RAPSN: variants seen among roughly 807,000 people sequenced by gnomAD.
RAPSN encodes receptor associated protein of the synapse.
A neutral mutation model predicts 45.7 loss-of-function variants in RAPSN; 33 were observed. The observed-to-expected ratio is 0.72, with a 90% CI of 0.55 to 0.97. The LOEUF is 0.97. Ranked by LOEUF, RAPSN falls within the 50% of genes least tolerant of loss-of-function variation. RAPSN has a pLI of 0.00. For synonymous variants in RAPSN, 244 were observed against 233.6 expected (o/e 1.04, Z -0.40); for missense variants, 519 against 559.4 (o/e 0.93, Z 0.73).
chr11:47,445,909 C>T (rs2076401995), intron 2 of RAPSN, among the ~76,000 whole-genome samples: 1 of 151,738 alleles, frequency 6.6e-6, no homozygotes, highest in South Asian at 2.1e-4. Flanking sequence ...CAATGAACAC[C>T]CCACAAGCCC....
Position 47,441,905 on chromosome 11 carries a change from G to A in RAPSN, c.707C>T (p.Ala236Val), listed in dbSNP as rs1192536027. The A allele has an allele frequency of 1.1e-5, 17 of 1,577,936 alleles. No individual in the cohort carries two copies. The highest frequency in any genetic ancestry group is 2.3e-5 in the South Asian group (2 of 86,622). Residue 236 changes from alanine to valine, a missense_variant, in exon 4 of 8, where the codon GCG becomes GTG. Coordinates refer to ENST00000298854, the MANE Select transcript of RAPSN (RefSeq NM_005055.5). ...CAGTGGCCGGTCCCCGTGCTGCAGCGCGATCTTCATAGACTCCTGCGAGGG... is the reference window on the plus strand; with the variant it reads ...CAGTGGCCGGTCCCCGTGCTGCAGCACGATCTTCATAGACTCCTGCGAGGG... The part of the protein sequence containing the change: ...MECCEESMKI[A>V]LQHGDRPLQA...
At chr11:47,439,937 G>C (rs2076350365) in intron 6 of RAPSN, among the ~76,000 whole-genome samples, 1 of 152,002 alleles carries the variant, frequency 6.6e-6, no homozygotes, top group African/African-American at 2.4e-5. Flanking sequence ...GATCTCAGGT[G>C]ATCTGCCCAC....
chr11:47,442,552 G>C (rs1286944738), intron 3 of RAPSN, 104 bp downstream of exon 3: 2 of 1,354,274 alleles, frequency 1.5e-6, no homozygotes, highest in Non-Finnish European at 2.0e-6. Context: ...GCCCTAGGGG[G>C]CTTCCATGGG....
In RAPSN at chr11:47,438,767, C is replaced by T. The variant is rs2076335581; in HGVS notation, c.1131G>A (p.Leu377=). The T allele has an allele frequency of 6.4e-7, 1 of 1,564,640 alleles. No individual in the cohort carries two copies. The highest frequency in any genetic ancestry group is 8.7e-7 in the Non-Finnish European group (1 of 1,150,836). ...AGATGTGGGAGCAAGGTAGGGCCTG[C>T]AGCCGGCTGTTCTTCTCGCCTATGG... ...GESIGEKNSR[L]QALPCSHIFH... The change falls in exon 7 of 8, where the codon CTG becomes CTA. Residue 377 remains leucine, a synonymous_variant. Coordinates refer to ENST00000298854, the MANE Select transcript of RAPSN (RefSeq NM_005055.5).
intron 2 of RAPSN, 103 bp from the exon 3 acceptor site, chr11:47,442,917 G>C: frequency 6.4e-7 from 1 of 1,567,634 alleles, no homozygotes. Flanking sequence ...AGGGGCAGGG[G>C]GCCCGAGTGT....
intron 2 of RAPSN, among the ~76,000 whole-genome samples, chr11:47,446,932 C>G (rs913045696): frequency 6.6e-6 from 1 of 152,114 alleles, no homozygotes; most frequent in Non-Finnish European, 1.5e-5. Flanking sequence ...TACCCAGGAT[C>G]AGAACCTGCT....
At chr11:47,447,264 G>T (rs1452526066) in intron 2 of RAPSN, among the ~76,000 whole-genome samples, 1 of 152,082 alleles carries the variant, frequency 6.6e-6, no homozygotes, top group African/African-American at 2.4e-5. Flanking sequence ...CCTTTGCCCC[G>T]CTTCGCTTTC....
chr11:47,449,076 A>G lies in RAPSN; in HGVS notation c.-112T>C, dbSNP rs2076435071. 1 of 1,350,270 alleles carries G rather than the reference A, an allele frequency of 7.4e-7. No individual in the cohort carries two copies. The highest frequency in any genetic ancestry group is 1.2e-5 in the South Asian group (1 of 84,056). The allele number at this position is 1,350,270 out of a possible 1,614,324, so 83.6% of individuals were successfully genotyped here. A position where few individuals can be genotyped will look rare whatever the true frequency, so the allele number is the denominator to read the frequency against. ...CTGCCCCCCGAAACGTGGGAACAAA[A>G]GCAGCGTCGGGTGGGAGCCGGAATG... is the stretch of plus-strand genomic sequence containing the variant. On this transcript the variant is annotated 5_prime_UTR_variant, in exon 1 of 8. Coordinates refer to ENST00000298854, the MANE Select transcript of RAPSN (RefSeq NM_005055.5).
At chr11:47,448,209 A>C in intron 1 of RAPSN, 59 bp from the exon 2 acceptor site, 1 of 1,567,726 alleles carries the variant, frequency 6.4e-7, no homozygotes, top group Non-Finnish European at 8.7e-7. Context: ...CTTGGACCCC[A>C]GCCTGCACTG....
intron 2 of RAPSN, among the ~76,000 whole-genome samples, chr11:47,444,830 C>T (rs1484914358): frequency 2.1e-5 from 3 of 140,160 alleles, no homozygotes; most frequent in East Asian, 2.1e-4. Flanking sequence ...TGCACTCCAG[C>T]CTGGGCAACA....
intron 6 of RAPSN, among the ~76,000 whole-genome samples, chr11:47,439,582 C>T (rs1332726983): frequency 6.6e-6 from 1 of 151,970 alleles, no homozygotes; most frequent in Non-Finnish European, 1.5e-5. Context: ...ACCAGAGTGG[C>T]TATAATCCAA....
intron 1 of RAPSN, 146 bp from the exon 2 acceptor site, chr11:47,448,296 G>T: frequency 1.1e-6 from 1 of 880,176 alleles, no homozygotes; most frequent in Non-Finnish European, 1.8e-6. Context: ...CTTCTTTTCA[G>T]ACCCAGAGCT....
chr11:47,438,205 T>C (rs937291624), intron 7 of RAPSN, among the ~76,000 whole-genome samples, 158 bp from the exon 8 acceptor site: 1 of 151,948 alleles, frequency 6.6e-6, no homozygotes, highest in Admixed American at 6.6e-5. Context: ...AGGCTCCCAC[T>C]GCACCCGGCT....
At chr11:47,441,461 G>A in intron 5 of RAPSN, 150 bp downstream of exon 5, 1 of 1,434,014 alleles carries the variant, frequency 7.0e-7, no homozygotes, top group Non-Finnish European at 9.4e-7. Flanking sequence ...GGCCTTCTCT[G>A]AGCCTGGAAA....
At chr11:47,446,733 C>T (rs2076409158) in intron 2 of RAPSN, among the ~76,000 whole-genome samples, 1 of 152,136 alleles carries the variant, frequency 6.6e-6, no homozygotes, top group Non-Finnish European at 1.5e-5. Flanking sequence ...GGTGAAACCC[C>T]ATTTCTACTA....
At chr11:47,441,061 G>C in intron 6 of RAPSN, 98 bp downstream of exon 6, 1 of 1,475,862 alleles carries the variant, frequency 6.8e-7, no homozygotes, top group Non-Finnish European at 9.5e-7. Context: ...ATCAGGAAGG[G>C]CTCATGACGT....
At chr11:47,447,235 C>T (rs2076413633) in intron 2 of RAPSN, among the ~76,000 whole-genome samples, 1 of 152,148 alleles carries the variant, frequency 6.6e-6, no homozygotes, top group South Asian at 2.1e-4. Context: ...ATGACACCCC[C>T]ACGCCCAGTG....
intron 7 of RAPSN, chr11:47,438,497 A>G (rs2076332237): frequency 1.7e-6 from 1 of 578,430 alleles, no homozygotes. Context: ...TAATTTTTGT[A>G]TTTTTAGTAG....
intron 6 of RAPSN, among the ~76,000 whole-genome samples, chr11:47,440,192 T>C (rs913189978): frequency 1.3e-5 from 2 of 152,154 alleles, no homozygotes; most frequent in African/African-American, 2.4e-5. Context: ...CTTGCTGTAC[T>C]CACCTCACAG....
Sources: gnomAD v4.1 joint callset for allele counts (sites outside exome capture counted in the v4.1 genomes callset) on GRCh38, gnomAD v4.1.1 for gene constraint, MANE v1.5 for transcripts, NCBI Gene and HGNC (gene_info 2026-07-23, HGNC 2026-07-21) for gene names.